DOCK4: variants seen among roughly 807,000 people sequenced by gnomAD.
The protein encoded by DOCK4 is dedicator of cytokinesis 4.
DOCK4 carries 97 observed loss-of-function variants against 268.1 expected under a neutral mutation model. The observed-to-expected ratio is 0.36, with a 90% CI of 0.31 to 0.43. The LOEUF (loss-of-function observed/expected upper bound fraction) is 0.43, where lower values mean the gene tolerates loss of function less well. Ranked by LOEUF, DOCK4 falls within the 20% of genes least tolerant of loss-of-function variation. DOCK4 has a pLI of 1.00. For missense variants in DOCK4, 2,145 were observed against 2,455.7 expected, an observed-to-expected ratio of 0.87 and a Z score of 2.67; for synonymous variants, 954 against 887.2, an observed-to-expected ratio of 1.08 and a Z score of -1.34.
At chr7:111,788,348 C>A (rs1265284039) in intron 32 of DOCK4, among the ~76,000 whole-genome samples, 1 of 152,124 alleles carries the variant, frequency 6.6e-6, no homozygotes, top group Admixed American at 6.5e-5. Context: ...CCACTTATAA[C>A]CCCACTTAAA....
intron 4 of DOCK4, among the ~76,000 whole-genome samples, chr7:111,997,317 G>A (rs1299056206): frequency 1.3e-5 from 2 of 152,146 alleles, no homozygotes; most frequent in African/African-American, 2.4e-5. Context: ...GTAATTATTA[G>A]AATTAGAATT....
intron 30 of DOCK4, among the ~76,000 whole-genome samples, chr7:111,804,435 CAG>C (rs1387227766): frequency 6.6e-6 from 1 of 151,952 alleles, no homozygotes; most frequent in Non-Finnish European, 1.5e-5. Context: ...GCTGGGGAGA[CAG>C]GGGAATGAGA....
chr7:111,936,515 T>TGGATGGATGGAC (rs1794752533), intron 11 of DOCK4, among the ~76,000 whole-genome samples: 2 of 152,030 alleles, frequency 1.3e-5, no homozygotes, highest in African/African-American at 4.8e-5. Flanking sequence ...GATGGATGGA[T>TGGATGGATGGAC]GGATGGATGG....
At chr7:111,737,072 A>G (rs930669366) in intron 49 of DOCK4, 83 bp from the exon 50 acceptor site, 1 of 1,231,900 alleles carries the variant, frequency 8.1e-7, no homozygotes, top group South Asian at 1.4e-5. Context: ...TTATCTCCTC[A>G]GTAAAACTTT....
Position 111,727,924 on chromosome 7 carries a change from G to T in DOCK4, c.*350C>A. ...CAAGTATCAAGTATTCAGTAAAAAC[G>T]ATACAACATTGTCACACATTGTATC... On this transcript the variant is annotated 3_prime_UTR_variant, in exon 53 of 53. Coordinates refer to ENST00000428084, the MANE Select transcript of DOCK4 (RefSeq NM_001363540.2). 5.2e-6 allele frequency: 1 copy of T among 191,178 alleles called. No homozygotes were observed. The highest frequency in any genetic ancestry group is 1.1e-5 in the Non-Finnish European group (1 of 94,748). The allele number at this position is 191,178 out of a possible 1,614,324, so 11.8% of individuals were successfully genotyped here. A position where few individuals can be genotyped will look rare whatever the true frequency, so the allele number is the denominator to read the frequency against.
chr7:111,998,507 GA>G lies in DOCK4; in HGVS notation c.163-5del. ...CGTAGCTGGAAGGAAATATACCCTG[GA>G]AAAGAAAACATGAAGGTTACGATGC... On this transcript the variant is annotated splice_polypyrimidine_tract_variant and splice_region_variant and intron_variant, in intron 3 of 52. Transcript: ENST00000428084. 1.9e-6 allele frequency: 3 copies of G among 1,581,742 alleles called. No homozygotes were observed. Among genetic ancestry groups the G allele is most frequent in the Admixed American group, 1.8e-5 (1 of 55,990 alleles).
At chr7:111,914,012 G>A (rs555812663) in intron 13 of DOCK4, among the ~76,000 whole-genome samples, 5 of 152,182 alleles carry the variant, frequency 3.3e-5, no homozygotes, top group African/African-American at 1.2e-4. Context: ...ACAAAGACTC[G>A]GGGGATGTGG....
intron 8 of DOCK4, among the ~76,000 whole-genome samples, chr7:111,975,635 C>T (rs1798102081): frequency 6.6e-6 from 1 of 152,192 alleles, no homozygotes; most frequent in South Asian, 2.1e-4. Context: ...CTGTTATTTC[C>T]ACACCTCATA....
In DOCK4 at chr7:111,758,774, A is replaced by G. The variant is rs1797197963; in HGVS notation, c.4179T>C (p.Ala1393=). The change falls in exon 41 of 53, where the codon GCT becomes GCC. Residue 1393 remains alanine, a synonymous_variant. Transcript: ENST00000428084. ...QAEAQYLQIY[A]VTPIPESQEV... ...CCTGGCTCTCTGGAATGGGAGTCACAGCATATATCTGCAAATCTAGGATTC... is the reference window on the plus strand; with the variant it reads ...CCTGGCTCTCTGGAATGGGAGTCACGGCATATATCTGCAAATCTAGGATTC... The G allele has an allele frequency of 3.1e-6, 5 of 1,613,724 alleles. No homozygotes were observed. The highest frequency in any genetic ancestry group is 1.3e-5 in the African/African-American group (1 of 74,926).
intron 13 of DOCK4, among the ~76,000 whole-genome samples, chr7:111,914,290 G>A (rs751481214): frequency 1.3e-5 from 2 of 151,942 alleles, no homozygotes; most frequent in African/African-American, 2.4e-5. Context: ...CCTCCAAACC[G>A]GTCTCCCTGT....
rs749758792 is a variant in DOCK4 at position 111,788,676 on chromosome 7, C to T, written c.3387G>A (p.Glu1129=). 5.7e-6 allele frequency: 9 copies of T among 1,585,242 alleles called. No homozygotes were observed. The highest frequency in any genetic ancestry group is 2.3e-5 in the South Asian group (2 of 86,826). The part of the protein sequence containing the change: ...SEGKGDETYR[E]LFNSIIPLFG... ...ATATTACTCACATACTGTTGAAGAG[C>T]TCGCGGTATGTTTCGTCACCTTTGC... The change falls in exon 32 of 53, where the codon GAG becomes GAA. Residue 1129 remains glutamate (E), a synonymous_variant. Coordinates refer to ENST00000428084, the MANE Select transcript of DOCK4 (RefSeq NM_001363540.2).
At chr7:111,940,614 A>T (rs1795131462) in intron 10 of DOCK4, among the ~76,000 whole-genome samples, 2 of 152,202 alleles carry the variant, frequency 1.3e-5, no homozygotes, top group South Asian at 4.1e-4. Context: ...CAAATTCCAT[A>T]TTCAAAAAAA....
Position 111,989,003 on chromosome 7 carries a change from C to G in DOCK4, c.464+12G>C, listed in dbSNP as rs1265970776. The G allele has an allele frequency of 6.2e-7, 1 of 1,603,856 alleles. No homozygotes were observed. The highest frequency in any genetic ancestry group is 8.5e-7 in the Non-Finnish European group (1 of 1,174,838). Reference sequence around the variant, plus strand: ...ACCTACTAGAGGCCGCCCTGTGATGCTCAATACTCACTCATTGCCCCAGTC... The same window carrying G: ...ACCTACTAGAGGCCGCCCTGTGATGGTCAATACTCACTCATTGCCCCAGTC... On this transcript the variant is annotated intron_variant, in intron 6 of 52. Transcript: ENST00000428084.
rs1305118769 is a variant in DOCK4 at position 111,784,121 on chromosome 7, A to G, written c.3404T>C (p.Ile1135Thr). Residue 1135 changes from isoleucine to threonine, a missense_variant and splice_region_variant, in exon 33 of 53, where the codon ATT (isoleucine) becomes ACT (threonine). By Grantham distance (89) the Ile-to-Thr change is moderately conservative (BLOSUM62 -1). Around this residue, in one of 2 missense-constraint regions of DOCK4, gnomAD observed 1,598 missense variants for 1,986.7 expected, o/e 0.80. Coordinates refer to ENST00000428084, the MANE Select transcript of DOCK4 (RefSeq NM_001363540.2). ...CCTAGGATAGGGACCAAATAGTGGA[A>G]TTCTAATCCAGGAAGCATTGACAAA... ...ETYRELFNSI[I>T]PLFGPYPSLL... 6.3e-7 allele frequency: 1 copy of G among 1,576,120 alleles called. No individual in the cohort carries two copies. The highest frequency in any genetic ancestry group is 8.6e-7 in the Non-Finnish European group (1 of 1,166,572).
chr7:111,748,827 G>A (rs575803677), intron 42 of DOCK4, among the ~76,000 whole-genome samples: 4 of 152,164 alleles, frequency 2.6e-5, no homozygotes, highest in South Asian at 2.1e-4. Context: ...TCCAAAATCC[G>A]TATGTCCATT....
intron 1 of DOCK4, among the ~76,000 whole-genome samples, chr7:112,118,965 C>T (rs1038143082): frequency 1.2e-4 from 19 of 152,114 alleles, no homozygotes; most frequent in Admixed American, 7.9e-4. Context: ...ATAGCTCGTA[C>T]GCATCTTCAT....
chr7:111,936,375 C>T (rs965094963), intron 11 of DOCK4, among the ~76,000 whole-genome samples: 11 of 152,120 alleles, frequency 7.2e-5, no homozygotes, highest in Admixed American at 5.2e-4. Context: ...TGGTGTAGTT[C>T]ACCTGGGAGA....
chr7:111,884,422 T>TAAC (rs1464500454), intron 16 of DOCK4, among the ~76,000 whole-genome samples: 1 of 152,232 alleles, frequency 6.6e-6, no homozygotes, highest in Non-Finnish European at 1.5e-5. Flanking sequence ...AACTACCATA[T>TAAC]AACATTGCCT....
chr7:111,919,023 A>G (rs1411009039), intron 12 of DOCK4, among the ~76,000 whole-genome samples: 1 of 152,192 alleles, frequency 6.6e-6, no homozygotes, highest in Admixed American at 6.5e-5. Flanking sequence ...GCTATTCACA[A>G]TAGAAGTTGG....
Sources: gnomAD v4.1 joint callset for allele counts (sites outside exome capture counted in the v4.1 genomes callset) on GRCh38, gnomAD v4.1.1 for gene constraint, gnomAD v4.1.1 regional missense constraint, MANE v1.5 for transcripts, NCBI Gene and HGNC (gene_info 2026-07-23, HGNC 2026-07-21) for gene names.